Variants in REPS2 observed in about 807,000 individuals in gnomAD.
REPS2 encodes RALBP1 associated Eps domain containing 2, also known as ralBP1-associated Eps domain-containing protein 2.
In REPS2, 23 loss-of-function variants were observed where a neutral mutation model predicts 53.6. That is an observed-to-expected ratio of 0.43 (90% confidence interval 0.31 to 0.61). The LOEUF is 0.61. Among genes scored for constraint, REPS2 ranks in the 20% least tolerant of loss-of-function variants. The pLI, the probability that REPS2 is intolerant of heterozygous loss-of-function variation, is 0.11. For missense variants in REPS2, 446 were observed against 534.9 expected (o/e 0.83, Z 1.64); for synonymous variants, 238 against 218.6 (o/e 1.09, Z -0.78).
intron 13 of REPS2, among the ~76,000 whole-genome samples, 200 bp from the exon 14 acceptor site, chrX:17,103,518 A>G (rs1204735558): frequency 8.9e-6 from 1 of 111,870 alleles, no homozygotes; most frequent in East Asian, 2.8e-4. Context: ...CTACATAAAT[A>G]CTTGAGTTTG....
intron 1 of REPS2, among the ~76,000 whole-genome samples, chrX:16,987,261 T>A (rs1007708934): frequency 6.3e-5 from 7 of 110,464 alleles, no homozygotes; most frequent in Non-Finnish European, 3.8e-5. Flanking sequence ...AAGGAGGGAT[T>A]TATTAGAGAC....
intron 1 of REPS2, among the ~76,000 whole-genome samples, chrX:16,970,320 C>G (rs1218454905): frequency 9.1e-6 from 1 of 110,495 alleles, no homozygotes; most frequent in African/African-American, 3.3e-5. Context: ...TCTCAGCCTC[C>G]TGAGTAGCTG....
chrX:17,133,801 C>G (rs371836012), intron 14 of REPS2, 23 bp from the exon 15 acceptor site: 11 of 1,177,169 alleles, frequency 9.3e-6, no homozygotes, highest in Non-Finnish European at 1.2e-5. Flanking sequence ...CATTTCTGTC[C>G]TCTCTCTGAT....
intron 1 of REPS2, among the ~76,000 whole-genome samples, chrX:16,993,801 G>C (rs1218757251): frequency 8.9e-6 from 1 of 112,630 alleles, no homozygotes; most frequent in African/African-American, 3.2e-5. Context: ...AATGATCAGG[G>C]CTCACCTTTG....
At chrX:17,096,455 C>G (rs1229385245) in intron 13 of REPS2, among the ~76,000 whole-genome samples, 2 of 107,950 alleles carry the variant, frequency 1.9e-5, no homozygotes, top group African/African-American at 6.7e-5. Flanking sequence ...GTCAGGAGAT[C>G]GAGACCATCC....
intron 2 of REPS2, among the ~76,000 whole-genome samples, chrX:17,014,653 T>C (rs1224346451): frequency 1.8e-5 from 2 of 111,816 alleles, no homozygotes; most frequent in Non-Finnish European, 3.8e-5. Context: ...AATTCTTTGT[T>C]AACGTATAAG....
At chrX:17,194,800 C>T in the REPS2 span, among the ~76,000 whole-genome samples, 25,908 of 110,893 alleles carry the variant, frequency 0.23, 3,389 homozygotes, top group African/African-American at 0.5. Context: ...TTGAACTACT[C>T]TTGCAAAATG....
chrX:17,097,886 C>G, intron 13 of REPS2, among the ~76,000 whole-genome samples: 1 of 112,008 alleles, frequency 8.9e-6, no homozygotes. Flanking sequence ...TATAACAATT[C>G]AAGAAGCAGA....
the REPS2 span, among the ~76,000 whole-genome samples, chrX:17,194,934 G>A: frequency 1.8e-5 from 2 of 112,045 alleles, no homozygotes; most frequent in South Asian, 7.4e-4. Flanking sequence ...ATCTCTTTAA[G>A]TGTAACATGG....
chrX:17,010,168 G>C lies in REPS2; in HGVS notation c.397+3824G>C, dbSNP rs773437240. Among the ~76,000 whole-genome samples the C allele has an allele frequency of 2.6e-3, 288 of 112,074 alleles. 2 individuals carry two copies. The highest frequency in any genetic ancestry group is 6.8e-3 in the African/African-American group (211 of 30,851). The stretch of plus-strand genomic sequence containing the variant: ...TAAAACTGGCTCAAGAAAGTATAGA[G>C]AGTCAGATTTATTTATAGTCATAGA... On this transcript the variant is annotated intron_variant, in intron 2 of 17. Coordinates refer to ENST00000357277, the MANE Select transcript of REPS2 (RefSeq NM_004726.3).
intron 2 of REPS2, among the ~76,000 whole-genome samples, chrX:17,017,980 A>T (rs1224680908): frequency 8.9e-6 from 1 of 112,125 alleles, no homozygotes; most frequent in East Asian, 2.8e-4. Flanking sequence ...TAGATTATTA[A>T]AATTTTGCCA....
At chrX:17,078,885 GT>G (rs1446565088) in intron 13 of REPS2, among the ~76,000 whole-genome samples, 2 of 112,158 alleles carry the variant, frequency 1.8e-5, no homozygotes, top group African/African-American at 6.5e-5. Flanking sequence ...GTAGCTTAAT[GT>G]TTATGCATCT....
intron 14 of REPS2, among the ~76,000 whole-genome samples, chrX:17,127,560 A>T (rs1425658208): frequency 9.0e-6 from 1 of 111,380 alleles, no homozygotes; most frequent in Non-Finnish European, 1.9e-5. Flanking sequence ...GAAATGGGGG[A>T]TGGTGTTGAG....
chrX:17,112,986 G>A (rs1199367875), intron 14 of REPS2, among the ~76,000 whole-genome samples: 2 of 101,845 alleles, frequency 2.0e-5, no homozygotes, highest in African/African-American at 7.2e-5. Flanking sequence ...CAGTTACTCG[G>A]GAGGCTGAGG....
At chrX:17,017,732 A>G (rs1045469001) in intron 2 of REPS2, among the ~76,000 whole-genome samples, 2 of 111,977 alleles carry the variant, frequency 1.8e-5, no homozygotes, top group Admixed American at 1.9e-4. Flanking sequence ...ATTTCTGGCC[A>G]CAATGGCTCA....
intron 17 of REPS2, among the ~76,000 whole-genome samples, chrX:17,141,015 C>T (rs1297004728): frequency 2.7e-5 from 3 of 111,353 alleles, no homozygotes; most frequent in Non-Finnish European, 5.7e-5. Flanking sequence ...TGTGATCTGC[C>T]CGCCTAGGTC....
the REPS2 span, among the ~76,000 whole-genome samples, chrX:17,187,125 A>T: frequency 9.0e-6 from 1 of 111,378 alleles, no homozygotes; most frequent in African/African-American, 3.3e-5. Context: ...TTTTCCGAAA[A>T]ACCTTCCCAC....
At chrX:17,075,440 C>T (rs752961775) in intron 12 of REPS2, among the ~76,000 whole-genome samples, 22 of 112,208 alleles carry the variant, frequency 2.0e-4, no homozygotes, top group African/African-American at 2.6e-4. Flanking sequence ...TCAGAGATTG[C>T]GCTTTTGGTC....
chrX:17,024,940 C>T, intron 3 of REPS2, 119 bp from the exon 4 acceptor site: 3 of 978,969 alleles, frequency 3.1e-6, no homozygotes, highest in Non-Finnish European at 4.3e-6. Flanking sequence ...GAAAACATTT[C>T]CCCCCATTTG....
Sources: gnomAD v4.1 joint callset for allele counts (sites outside exome capture counted in the v4.1 genomes callset) on GRCh38, gnomAD v4.1.1 for gene constraint, MANE v1.5 for transcripts, NCBI Gene and HGNC (gene_info 2026-07-23, HGNC 2026-07-21) for gene names.